AGBL1: variants seen among roughly 807,000 people sequenced by gnomAD.
AGBL1 encodes the protein AGBL carboxypeptidase 1, also known as cytosolic carboxypeptidase 4.
In AGBL1, 130 loss-of-function variants were observed where a neutral mutation model predicts 118.9. The ratio of observed to expected loss-of-function variants is 1.09; its 90% CI spans 0.95 to 1.26. AGBL1 has a LOEUF of 1.26. Among genes scored for constraint, AGBL1 ranks in the 50% most tolerant of loss-of-function variants. The pLI is 0.00. For missense variants in AGBL1, 1,584 were observed against 1,298.1 expected, an observed-to-expected ratio of 1.22 and a Z score of -3.38; for synonymous variants, 555 against 478.9, an observed-to-expected ratio of 1.16 and a Z score of -2.08.
chr15:86,198,183 C>G (rs1273761746), intron 5 of AGBL1, among the ~76,000 whole-genome samples: 1 of 152,146 alleles, frequency 6.6e-6, no homozygotes, highest in Non-Finnish European at 1.5e-5. Context: ...TCATCTCTTT[C>G]TTTGGTCTGA....
intron 22 of AGBL1, among the ~76,000 whole-genome samples, chr15:86,687,795 G>A (rs2086086600): frequency 6.6e-6 from 1 of 152,124 alleles, no homozygotes; most frequent in Admixed American, 6.6e-5. Flanking sequence ...ATGTTCAGGT[G>A]TTTCTATTTA....
At chr15:86,660,249 A>G (rs961831499) in intron 21 of AGBL1, among the ~76,000 whole-genome samples, 1 of 152,010 alleles carries the variant, frequency 6.6e-6, no homozygotes, top group African/African-American at 2.4e-5. Flanking sequence ...CCGGGGCTTC[A>G]TGCCTGACAC....
intron 1 of AGBL1, among the ~76,000 whole-genome samples, chr15:86,128,237 G>A (rs1458601922): frequency 6.6e-6 from 1 of 152,056 alleles, no homozygotes; most frequent in East Asian, 1.9e-4. Context: ...AAAGGAGAAG[G>A]AAAGGCGGCA....
intron 24 of AGBL1, among the ~76,000 whole-genome samples, chr15:87,023,304 G>A (rs1377740339): frequency 6.6e-6 from 1 of 151,986 alleles, no homozygotes; most frequent in African/African-American, 2.4e-5. Context: ...CATGCAAACG[G>A]ACAGCAAAAG....
chr15:86,853,512 T>G (rs1358386599), intron 22 of AGBL1, among the ~76,000 whole-genome samples: 1 of 152,176 alleles, frequency 6.6e-6, no homozygotes, highest in African/African-American at 2.4e-5. Context: ...ATTAAAGAAC[T>G]TACCCAATGT....
At chr15:86,662,963 C>T (rs1004106910) in intron 21 of AGBL1, among the ~76,000 whole-genome samples, 2 of 152,138 alleles carry the variant, frequency 1.3e-5, no homozygotes. Context: ...TGTGTCTTAT[C>T]CCCATCATCT....
At chr15:86,565,804 G>A (rs1176966459) in intron 21 of AGBL1, among the ~76,000 whole-genome samples, 1 of 152,206 alleles carries the variant, frequency 6.6e-6, no homozygotes, top group Non-Finnish European at 1.5e-5. Flanking sequence ...TGGCAGCTTT[G>A]TTTACCTACT....
At chr15:86,595,570 C>T (rs1477521941) in intron 21 of AGBL1, among the ~76,000 whole-genome samples, 1 of 152,142 alleles carries the variant, frequency 6.6e-6, no homozygotes, top group African/African-American at 2.4e-5. Flanking sequence ...ACTATTATCT[C>T]CTCTCACCCT....
At chr15:86,088,496 G>A (rs1895813986) in intron 1 of AGBL1, among the ~76,000 whole-genome samples, 1 of 152,208 alleles carries the variant, frequency 6.6e-6, no homozygotes, top group Admixed American at 6.5e-5. Flanking sequence ...CTGGGGGTGG[G>A]CTTTCAGGTT....
intron 18 of AGBL1, among the ~76,000 whole-genome samples, chr15:86,416,590 C>A (rs1428942824): frequency 1.3e-5 from 2 of 152,042 alleles, no homozygotes; most frequent in African/African-American, 2.4e-5. Flanking sequence ...AAATGTAATT[C>A]AATATCTAGC....
chr15:86,645,432 TTTAA>T (rs1482923171), intron 21 of AGBL1, among the ~76,000 whole-genome samples: 1 of 152,202 alleles, frequency 6.6e-6, no homozygotes, highest in Non-Finnish European at 1.5e-5. Flanking sequence ...CACATTGCTA[TTTAA>T]TCCTAATTTT....
intron 21 of AGBL1, among the ~76,000 whole-genome samples, chr15:86,599,255 A>T (rs777094395): frequency 9.9e-5 from 15 of 151,816 alleles, no homozygotes; most frequent in Admixed American, 1.3e-4. Context: ...AATATTCTAT[A>T]GTCATATGTT....
At chr15:86,451,810 T>C (rs1454242837) in intron 18 of AGBL1, among the ~76,000 whole-genome samples, 1 of 152,134 alleles carries the variant, frequency 6.6e-6, no homozygotes, top group African/African-American at 2.4e-5. Flanking sequence ...AATTCTAATA[T>C]GATTTGCACA....
chr15:86,587,817 G>C (rs531447575), intron 21 of AGBL1, among the ~76,000 whole-genome samples: 11 of 152,298 alleles, frequency 7.2e-5, no homozygotes, highest in Non-Finnish European at 1.6e-4. Flanking sequence ...CACAACAGCT[G>C]CTGGGCTGTG....
chr15:86,453,524 G>A (rs1357573257), intron 18 of AGBL1, among the ~76,000 whole-genome samples: 4 of 152,188 alleles, frequency 2.6e-5, no homozygotes, highest in Admixed American at 2.6e-4. Flanking sequence ...GTAGCTTGAT[G>A]GAGGCATTTT....
chr15:86,772,892 G>A (rs2078201852), intron 22 of AGBL1, among the ~76,000 whole-genome samples: 1 of 152,002 alleles, frequency 6.6e-6, no homozygotes, highest in African/African-American at 2.4e-5. Flanking sequence ...AAAGCCAGAG[G>A]GAATGGGTTA....
intron 17 of AGBL1, among the ~76,000 whole-genome samples, chr15:86,320,117 G>A (rs1399429059): frequency 6.6e-6 from 1 of 152,016 alleles, no homozygotes; most frequent in Non-Finnish European, 1.5e-5. Flanking sequence ...TTTGGTATCA[G>A]CTTGTCTACT....
At chr15:86,447,006 C>A (rs1310176753) in intron 18 of AGBL1, among the ~76,000 whole-genome samples, 1 of 152,098 alleles carries the variant, frequency 6.6e-6, no homozygotes, top group South Asian at 2.1e-4. Flanking sequence ...AAATGCAGAT[C>A]GTATACTTTA....
intron 17 of AGBL1, among the ~76,000 whole-genome samples, chr15:86,309,691 ATGT>A (rs1474158166): frequency 6.6e-6 from 1 of 152,036 alleles, no homozygotes; most frequent in African/African-American, 2.4e-5. Context: ...CATTTTGTTA[ATGT>A]TGTGTATCAC....
Sources: gnomAD v4.1 joint callset for allele counts (sites outside exome capture counted in the v4.1 genomes callset) on GRCh38, gnomAD v4.1.1 for gene constraint, MANE v1.5 for transcripts, NCBI Gene and HGNC (gene_info 2026-07-23, HGNC 2026-07-21) for gene names.